The following NEDD1 variants were observed in gnomAD, a reference collection of about 807,000 sequenced individuals.
The protein encoded by NEDD1 is NEDD1 gamma-tubulin ring complex targeting factor.
In NEDD1, 33 loss-of-function variants were observed where a neutral mutation model predicts 74.0. The observed-to-expected ratio is 0.45, with a 90% confidence interval of 0.34 to 0.60. The LOEUF (loss-of-function observed/expected upper bound fraction) is 0.60, where lower values mean the gene tolerates loss of function less well. NEDD1 is among the 20% of genes least tolerant of loss of function. NEDD1 has a pLI of 0.01. For missense variants in NEDD1, 746 were observed against 776.5 expected (o/e 0.96, Z 0.47); for synonymous variants, 250 against 264.4 (o/e 0.95, Z 0.53).
chr12:96,919,202 C>A (rs1463514088), intron 5 of NEDD1, among the ~76,000 whole-genome samples: 1 of 152,112 alleles, frequency 6.6e-6, no homozygotes, highest in Non-Finnish European at 1.5e-5. Flanking sequence ...GTTTTACTTC[C>A]TCAAAGTGTA....
intron 3 of NEDD1, among the ~76,000 whole-genome samples, chr12:96,910,197 T>C (rs994338801): frequency 1.3e-5 from 2 of 149,882 alleles, no homozygotes; most frequent in African/African-American, 5.0e-5. Flanking sequence ...AAATTTCTTA[T>C]TGAACCAAAT....
intron 5 of NEDD1, among the ~76,000 whole-genome samples, chr12:96,918,778 C>T (rs1402467449): frequency 6.6e-6 from 1 of 152,142 alleles, no homozygotes; most frequent in African/African-American, 2.4e-5. Context: ...AAGACACTTG[C>T]CTCTTTATAA....
In NEDD1 at chr12:96,952,922, T is replaced by G. The variant is rs1485348077; in HGVS notation, c.*869T>G. 6.6e-6 allele frequency: 1 copy of G among 151,670 alleles called. No individual in the cohort carries two copies. The highest frequency in any genetic ancestry group is 1.5e-5 in the Non-Finnish European group (1 of 67,650). The allele number at this position is 151,670 out of a possible 1,614,324, so 9.4% of individuals were successfully genotyped here. ...AAGCTTGGATTATTTTATTTTGTGGTCTTTATCATTAACTTTAATTCTTTC... is the reference window on the plus strand; with the variant it reads ...AAGCTTGGATTATTTTATTTTGTGGGCTTTATCATTAACTTTAATTCTTTC... On this transcript the variant is annotated 3_prime_UTR_variant, in exon 16 of 16. Transcript: ENST00000266742.
At chr12:96,938,477 A>C (rs1247773767) in intron 9 of NEDD1, among the ~76,000 whole-genome samples, 1 of 152,130 alleles carries the variant, frequency 6.6e-6, no homozygotes, top group Non-Finnish European at 1.5e-5. Flanking sequence ...ATTCACTGTA[A>C]ACTCTCTGAA....
Position 96,952,320 on chromosome 12 carries a change from C to G in NEDD1, c.*267C>G, listed in dbSNP as rs1943994947. Reference sequence around the variant, plus strand: ...AAGCTTTAGCCATCCACTAAGTGCCCTTTTTCATAAGAGAAGAAAATTGTG... The same window carrying G: ...AAGCTTTAGCCATCCACTAAGTGCCGTTTTTCATAAGAGAAGAAAATTGTG... On this transcript the variant is annotated 3_prime_UTR_variant, in exon 16 of 16. Transcript: ENST00000266742. 4.7e-6 allele frequency: 1 copy of G among 214,240 alleles called. No homozygotes were observed. The allele number at this position is 214,240 out of a possible 1,614,324, so 13.3% of individuals were successfully genotyped here.
In NEDD1 at chr12:96,909,914, A is replaced by AC; in HGVS notation, c.136+19_136+20insC. The AC allele has an allele frequency of 4.5e-6, 7 of 1,539,442 alleles. No individual in the cohort carries two copies. The highest frequency in any genetic ancestry group is 6.2e-6 in the Non-Finnish European group (7 of 1,132,568). On this transcript the variant is annotated intron_variant, in intron 3 of 15. Coordinates refer to ENST00000266742, the MANE Select transcript of NEDD1 (RefSeq NM_152905.4). ...AGCAATAGTATCCTTTAAAAAAAAA[A>AC]AACACACACACACACACACAAACCG...
At chr12:96,942,088 C>T (rs1877717756) in intron 10 of NEDD1, among the ~76,000 whole-genome samples, 1 of 152,056 alleles carries the variant, frequency 6.6e-6, no homozygotes, top group Admixed American at 6.6e-5. Context: ...ACATATTCTA[C>T]CATGGAAATA....
intron 12 of NEDD1, 50 bp from the exon 13 acceptor site, chr12:96,944,589 A>T: frequency 8.4e-7 from 1 of 1,183,568 alleles, no homozygotes; most frequent in Non-Finnish European, 1.2e-6. Context: ...TATGGGTAAT[A>T]TGAGTAAAAA....
rs1032867348 is a variant in NEDD1 at position 96,951,745 on chromosome 12, G to T, written c.1879-204G>T. The stretch of plus-strand genomic sequence containing the variant: ...AGTAAGCAAAAAGCATTTTAAATGT[G>T]CAAATATAAATTTTCCAAATATACT... On this transcript the variant is annotated intron_variant, in intron 15 of 15. Transcript: ENST00000266742. Among the ~76,000 whole-genome samples, 9 of 151,518 alleles carry T rather than the reference G, an allele frequency of 5.9e-5. No individual in the cohort carries two copies. In the South Asian group the frequency reaches 1.9e-3, roughly 31 times the overall value.
chr12:96,949,731 A>G (rs900355665), intron 14 of NEDD1, among the ~76,000 whole-genome samples: 1 of 152,258 alleles, frequency 6.6e-6, no homozygotes, highest in African/African-American at 2.4e-5. Flanking sequence ...TAAGCTGGAA[A>G]GAAACCTATG....
intron 1 of NEDD1, 111 bp downstream of exon 1, chr12:96,907,411 G>A (rs1198817070): frequency 1.1e-5 from 6 of 525,006 alleles, no homozygotes; most frequent in Non-Finnish European, 1.7e-5. Flanking sequence ...GGCGGTCCTT[G>A]GGCTTTGCGC....
intron 12 of NEDD1, among the ~76,000 whole-genome samples, chr12:96,944,123 T>C (rs1186703478): frequency 6.6e-6 from 1 of 152,098 alleles, no homozygotes; most frequent in Non-Finnish European, 1.5e-5. Context: ...TTATCATTGT[T>C]ACTTTCTGCT....
chr12:96,916,789 A>G (rs1288585514), intron 4 of NEDD1, among the ~76,000 whole-genome samples: 3 of 152,116 alleles, frequency 2.0e-5, no homozygotes, highest in East Asian at 1.9e-4. Context: ...TCTGATTTAC[A>G]TTTTTAAAGT....
intron 3 of NEDD1, among the ~76,000 whole-genome samples, chr12:96,910,479 G>A (rs1446661947): frequency 6.6e-6 from 1 of 152,100 alleles, no homozygotes; most frequent in Non-Finnish European, 1.5e-5. Context: ...AGCTTTTTAT[G>A]TTTCTGATTG....
intron 6 of NEDD1, among the ~76,000 whole-genome samples, chr12:96,923,554 C>T (rs567082805): frequency 1.3e-5 from 2 of 152,088 alleles, no homozygotes; most frequent in African/African-American, 2.4e-5. Context: ...GTAGTGCTGT[C>T]TCATGGTGGT....
chr12:96,924,458 A>G (rs1467914052), intron 6 of NEDD1, among the ~76,000 whole-genome samples: 1 of 152,182 alleles, frequency 6.6e-6, no homozygotes, highest in Non-Finnish European at 1.5e-5. Context: ...ATAACTATCT[A>G]TTTATCTAAG....
intron 5 of NEDD1, among the ~76,000 whole-genome samples, chr12:96,918,013 A>AT (rs1874654841): frequency 6.6e-6 from 1 of 152,090 alleles, no homozygotes; most frequent in Non-Finnish European, 1.5e-5. Flanking sequence ...CACTTCACTC[A>AT]TTTTTTCCTA....
At chr12:96,937,750 C>T (rs1877274775) in intron 9 of NEDD1, among the ~76,000 whole-genome samples, 2 of 152,118 alleles carry the variant, frequency 1.3e-5, no homozygotes, top group Middle Eastern at 3.4e-3. Flanking sequence ...AACTTTGACA[C>T]TGTCTTATGA....
intron 3 of NEDD1, 99 bp from the exon 4 acceptor site, chr12:96,912,624 G>T: frequency 1.5e-6 from 1 of 647,120 alleles, no homozygotes; most frequent in Non-Finnish European, 2.8e-6. Flanking sequence ...CTCATTGCTT[G>T]TCTTCTTAGT....
Sources: allele counts gnomAD v4.1 joint callset (sites outside exome capture counted in the v4.1 genomes callset), GRCh38; gene constraint gnomAD v4.1.1; transcripts MANE v1.5; gene names NCBI Gene and HGNC (gene_info 2026-07-23, HGNC 2026-07-21).